The following INPP5A variants were observed in gnomAD, a reference collection of about 807,000 sequenced individuals.
INPP5A encodes inositol polyphosphate-5-phosphatase A.
Under a neutral mutation model 65.2 loss-of-function variants are expected in INPP5A, and 14 were observed. The observed-to-expected ratio is 0.21, with a 90% CI of 0.14 to 0.34. The LOEUF is 0.34. INPP5A is among the 10% of genes least tolerant of loss of function. The probability of loss-of-function intolerance (pLI) is 1.00; values close to 1 mark genes in which losing one functional copy is unlikely to be tolerated. For synonymous variants in INPP5A, 207 were observed against 208.3 expected (o/e 0.99, Z 0.05); for missense variants, 431 against 545.6 (o/e 0.79, Z 2.09).
chr10:132,779,733 G>A (rs1221412091), intron 13 of INPP5A, among the ~76,000 whole-genome samples: 1 of 152,186 alleles, frequency 6.6e-6, no homozygotes, highest in Non-Finnish European at 1.5e-5. Flanking sequence ...ACAAGCAGAC[G>A]GGCGCCGGGC....
chr10:132,538,198 C>T lies in INPP5A; in HGVS notation c.75+27C>T. ...TAAGTCCCCCGTGCCGGCGGCAGGC[C>T]CCAAGCCCGGAACCCCCGACCCTGA... is the stretch of plus-strand genomic sequence containing the variant. On this transcript the variant is annotated intron_variant, in intron 1 of 15. Transcript: ENST00000368594. The surrounding 1 kb of genome is among the most constrained non-coding windows in gnomAD (Gnocchi z 4.1). 2 of 1,255,282 alleles carry T rather than the reference C, an allele frequency of 1.6e-6. No homozygotes were observed. The highest frequency in any genetic ancestry group is 2.0e-6 in the Non-Finnish European group (2 of 994,784). The allele number at this position is 1,255,282 out of a possible 1,614,324, so 77.8% of individuals were successfully genotyped here. A position where few individuals can be genotyped will look rare whatever the true frequency, so the allele number is the denominator to read the frequency against.
intron 2 of INPP5A, among the ~76,000 whole-genome samples, chr10:132,636,029 A>G (rs1190346601): frequency 3.3e-5 from 5 of 151,772 alleles, no homozygotes; most frequent in Admixed American, 3.3e-4. Flanking sequence ...GCTAGTTAAT[A>G]TTGTACTACT....
At chr10:132,544,292 C>T (rs1447846242) in intron 1 of INPP5A, among the ~76,000 whole-genome samples, 1 of 152,234 alleles carries the variant, frequency 6.6e-6, no homozygotes, top group Non-Finnish European at 1.5e-5. Context: ...AGAGTGCCAG[C>T]TCTCAAGGAG....
intron 8 of INPP5A, among the ~76,000 whole-genome samples, chr10:132,711,769 C>A (rs970684009): frequency 3.9e-5 from 6 of 152,240 alleles, no homozygotes; most frequent in Non-Finnish European, 7.3e-5. Context: ...ATAACTGAGT[C>A]ATTCCCAGGC....
chr10:132,742,208 G>C lies in INPP5A; in HGVS notation c.733-7309G>C, dbSNP rs573629183. ...GTTCTGTTCCTGATGGATGAATCCA[G>C]GTGAGTCCCGTGTGAACACAGAGCT... On this transcript the variant is annotated intron_variant, in intron 9 of 15. Transcript: ENST00000368594. 2.0e-5 allele frequency among the ~76,000 whole-genome samples: 3 copies of C among 152,358 alleles called. No individual in the cohort carries two copies. The East Asian group carries it at 5.8e-4, about 29-fold the overall frequency.
At chr10:132,548,666 C>A (rs183191716) in intron 1 of INPP5A, among the ~76,000 whole-genome samples, 46 of 152,170 alleles carry the variant, frequency 3.0e-4, no homozygotes, top group Non-Finnish European at 1.0e-4. Flanking sequence ...GTTTCGCCTG[C>A]GCCGAGGGCA....
At chr10:132,664,503 G>A (rs1345874308) in intron 4 of INPP5A, among the ~76,000 whole-genome samples, 2 of 152,242 alleles carry the variant, frequency 1.3e-5, no homozygotes, top group Non-Finnish European at 2.9e-5. Context: ...GGAACATCGT[G>A]TTTTTCAGTG....
chr10:132,597,046 CATGT>C (rs2071710595), intron 1 of INPP5A, among the ~76,000 whole-genome samples: 1 of 143,484 alleles, frequency 7.0e-6, no homozygotes, highest in African/African-American at 2.6e-5. Flanking sequence ...TGTATGCATG[CATGT>C]GTGTGTGCAG....
chr10:132,733,218 AC>A (rs1441487756), intron 9 of INPP5A, among the ~76,000 whole-genome samples: 1 of 152,150 alleles, frequency 6.6e-6, no homozygotes, highest in Non-Finnish European at 1.5e-5. Context: ...TTAACTAGTT[AC>A]ACCTGCAAGG....
intron 2 of INPP5A, among the ~76,000 whole-genome samples, chr10:132,612,824 C>G (rs1311627411): frequency 6.6e-6 from 1 of 152,176 alleles, no homozygotes; most frequent in Non-Finnish European, 1.5e-5. Context: ...AAGATGGAGG[C>G]CTTGGGGCAG....
At chr10:132,729,740 C>T (rs1846048814) in intron 9 of INPP5A, among the ~76,000 whole-genome samples, 1 of 152,210 alleles carries the variant, frequency 6.6e-6, no homozygotes, top group African/African-American at 2.4e-5. Context: ...CGAAGATTCC[C>T]ATCACCAATA....
At chr10:132,696,539 A>G (rs117284712) in intron 5 of INPP5A, among the ~76,000 whole-genome samples, 643 of 152,304 alleles carry the variant, frequency 4.2e-3, no homozygotes, top group Non-Finnish European at 6.9e-3. Context: ...GGAGGCTGAC[A>G]CACCTGCTAC....
In INPP5A at chr10:132,762,912, C is replaced by G. The variant is rs1041195; in HGVS notation, c.904-2861C>G. Among the ~76,000 whole-genome samples the G allele has an allele frequency of 0.018, 2,736 of 152,166 alleles. 88 individuals are homozygous for G. The highest frequency in any genetic ancestry group is 0.062 in the African/African-American group (2,571 of 41,494). On this transcript the variant is annotated intron_variant, in intron 11 of 15. Coordinates refer to ENST00000368594, the MANE Select transcript of INPP5A (RefSeq NM_005539.5). The surrounding 1 kb of genome is among the most constrained non-coding windows in gnomAD (Gnocchi z 4.6). The stretch of plus-strand genomic sequence containing the variant: ...GCTGAGGCAGGAGAATCACTTGAGC[C>G]CAGGAGGCAGAGGTTGCAGTGAGCC...
intron 1 of INPP5A, among the ~76,000 whole-genome samples, chr10:132,539,424 G>A (rs1430002436): frequency 6.6e-6 from 1 of 152,296 alleles, no homozygotes. Context: ...GATGCTGACT[G>A]CCTATGGCCT....
At chr10:132,625,000 C>T (rs982855339) in intron 2 of INPP5A, among the ~76,000 whole-genome samples, 2 of 152,150 alleles carry the variant, frequency 1.3e-5, no homozygotes, top group Non-Finnish European at 2.9e-5. Context: ...CCTGCTGCCA[C>T]CCTGCCCACG....
intron 4 of INPP5A, among the ~76,000 whole-genome samples, chr10:132,669,609 G>A (rs758150564): frequency 5.9e-5 from 9 of 152,158 alleles, no homozygotes; most frequent in Admixed American, 2.0e-4. Flanking sequence ...CTTCTCTTAC[G>A]TGCTTGCAGA....
At chr10:132,722,033 G>A (rs1042062439) in intron 8 of INPP5A, among the ~76,000 whole-genome samples, 1 of 152,174 alleles carries the variant, frequency 6.6e-6, no homozygotes, top group African/African-American at 2.4e-5. Context: ...ACACATCTGC[G>A]ATGAACCATG....
chr10:132,734,655 G>A (rs905219338), intron 9 of INPP5A, among the ~76,000 whole-genome samples: 3 of 152,252 alleles, frequency 2.0e-5, no homozygotes, highest in Non-Finnish European at 4.4e-5. Flanking sequence ...GGTACCGCCT[G>A]CCCTCAAGAC....
intron 8 of INPP5A, among the ~76,000 whole-genome samples, chr10:132,717,205 T>G (rs1845755469): frequency 6.6e-6 from 1 of 152,216 alleles, no homozygotes; most frequent in Non-Finnish European, 1.5e-5. Context: ...TGTCTTCCTC[T>G]TTTACAAGGA....
Sources: allele counts gnomAD v4.1 joint callset (sites outside exome capture counted in the v4.1 genomes callset), GRCh38; gene constraint gnomAD v4.1.1; non-coding constraint Gnocchi (gnomAD v3.1); transcripts MANE v1.5; gene names NCBI Gene and HGNC (gene_info 2026-07-23, HGNC 2026-07-21).